MORC1: variants seen among roughly 807,000 people sequenced by gnomAD.
MORC1 encodes the protein MORC family CW-type zinc finger 1.
A neutral mutation model predicts 134.9 loss-of-function variants in MORC1; 59 were observed. The observed-to-expected ratio is 0.44, with a 90% CI of 0.35 to 0.54. MORC1 has a LOEUF of 0.54. Ranked by LOEUF, MORC1 falls within the 20% of genes least tolerant of loss-of-function variation. The pLI is 0.00. For missense variants in MORC1, 947 were observed against 1,134.5 expected, an observed-to-expected ratio of 0.83 and a Z score of 2.37; for synonymous variants, 395 against 391.7, an observed-to-expected ratio of 1.01 and a Z score of -0.10.
intron 21 of MORC1, among the ~76,000 whole-genome samples, chr3:108,990,995 T>G (rs13080714): frequency 0.27 from 41,573 of 151,820 alleles, 5,896 homozygotes; most frequent in Middle Eastern, 0.46. Flanking sequence ...ATACTTTTAT[T>G]TATTTAATAT....
intron 8 of MORC1, among the ~76,000 whole-genome samples, chr3:109,084,747 A>T (rs374500567): frequency 1.6e-4 from 24 of 152,142 alleles, no homozygotes; most frequent in East Asian, 1.5e-3. Flanking sequence ...TCCAAAATAC[A>T]CTACGAAATT....
At chr3:109,080,485 C>T (rs950664292) in intron 8 of MORC1, among the ~76,000 whole-genome samples, 8 of 152,106 alleles carry the variant, frequency 5.3e-5, no homozygotes, top group Non-Finnish European at 1.2e-4. Context: ...AATAATACAG[C>T]TTATAGAACT....
intron 17 of MORC1, among the ~76,000 whole-genome samples, chr3:109,024,681 A>G (rs1319489152): frequency 6.6e-6 from 1 of 152,208 alleles, no homozygotes; most frequent in East Asian, 1.9e-4. Context: ...GGATGGAGGA[A>G]GAGAAAACAG....
chr3:109,052,437 G>C (rs1377209453), intron 14 of MORC1, among the ~76,000 whole-genome samples: 1 of 152,128 alleles, frequency 6.6e-6, no homozygotes, highest in African/African-American at 2.4e-5. Context: ...CTGGGATTCT[G>C]CATTTCTAAC....
chr3:109,036,631 T>C (rs2107620480), intron 14 of MORC1, among the ~76,000 whole-genome samples: 1 of 152,120 alleles, frequency 6.6e-6, no homozygotes, highest in South Asian at 2.1e-4. Flanking sequence ...AAAATGCAAA[T>C]AAATGACCTA....
intron 15 of MORC1, among the ~76,000 whole-genome samples, chr3:109,034,447 C>T (rs1949323218): frequency 6.6e-6 from 1 of 152,076 alleles, no homozygotes; most frequent in Non-Finnish European, 1.5e-5. Context: ...TGTAATTATC[C>T]TCCTATGGAA....
chr3:108,986,696 A>G (rs1436095866), intron 22 of MORC1, among the ~76,000 whole-genome samples, 184 bp downstream of exon 22: 1 of 152,062 alleles, frequency 6.6e-6, no homozygotes. Flanking sequence ...GCCCCGTCAA[A>G]ACACACAAGG....
At chr3:109,106,033 C>T (rs12496001) in intron 3 of MORC1, among the ~76,000 whole-genome samples, 120,653 of 152,194 alleles carry the variant, frequency 0.79, 48,589 homozygotes, top group East Asian at 0.93. Flanking sequence ...GGAATCCAAC[C>T]CTGTTGAGTT....
intron 27 of MORC1, among the ~76,000 whole-genome samples, chr3:108,962,444 A>T (rs1017358304): frequency 1.3e-5 from 2 of 152,152 alleles, no homozygotes; most frequent in African/African-American, 4.8e-5. Context: ...TTCTTCACAC[A>T]TTATACAGAT....
chr3:109,027,957 C>A, intron 16 of MORC1, 68 bp from the exon 17 acceptor site: 1 of 1,494,826 alleles, frequency 6.7e-7, no homozygotes, highest in Non-Finnish European at 9.1e-7. Context: ...CTGTAAAAGA[C>A]GATTTACTTC....
At chr3:109,093,728 CAA>C (rs1950773399) in intron 7 of MORC1, among the ~76,000 whole-genome samples, 187 bp from the exon 8 acceptor site, 2 of 152,200 alleles carry the variant, frequency 1.3e-5, no homozygotes, top group Non-Finnish European at 2.9e-5. Flanking sequence ...CACTCCCTGC[CAA>C]AGAGTGCTGA....
chr3:108,992,436 GT>G lies in MORC1; in HGVS notation c.2188-5488del, dbSNP rs534501391. Among the ~76,000 whole-genome samples the G allele has an allele frequency of 4.5e-3, 686 of 152,136 alleles. 1 individual carries two copies. Among genetic ancestry groups the G allele is most frequent in the African/African-American group, 6.1e-3 (253 of 41,502 alleles). ...TCCTCTGAATAACTATTAACAGTAA[GT>G]TGCATACAGTTTATTTACTCTTACT... On this transcript the variant is annotated intron_variant, in intron 21 of 27. Coordinates refer to ENST00000232603, the MANE Select transcript of MORC1 (RefSeq NM_014429.4).
chr3:108,968,611 G>A (rs1173499199), intron 26 of MORC1, among the ~76,000 whole-genome samples: 5 of 152,208 alleles, frequency 3.3e-5, no homozygotes, highest in Non-Finnish European at 5.9e-5. Flanking sequence ...TAAAAACTAT[G>A]AGGCAGTGTC....
chr3:108,964,555 C>G (rs572321072), intron 26 of MORC1, among the ~76,000 whole-genome samples: 2 of 152,270 alleles, frequency 1.3e-5, no homozygotes, highest in Non-Finnish European at 2.9e-5. Flanking sequence ...GCTGACCTCA[C>G]GAGTTTCCCC....
Position 109,027,540 on chromosome 3 carries a change from G to A in MORC1, c.1704+211C>T, listed in dbSNP as rs964095192. 1.2e-4 allele frequency among the ~76,000 whole-genome samples: 18 copies of A among 150,912 alleles called. 1 individual carries two copies. Among genetic ancestry groups the A allele is most frequent in the Non-Finnish European group, 2.7e-4 (18 of 67,864 alleles). ...TTCTCACATGCATTGTCGTATAGAT[G>A]GGCTTAGATATCACATATACAGTAT... On this transcript the variant is annotated intron_variant, in intron 17 of 27. Transcript: ENST00000232603.
chr3:109,098,893 A>C (rs1052816925), intron 6 of MORC1, among the ~76,000 whole-genome samples: 1 of 152,202 alleles, frequency 6.6e-6, no homozygotes, highest in African/African-American at 2.4e-5. Context: ...AATAAAACTC[A>C]GGCACTGGTA....
chr3:109,040,437 A>G (rs1949498509), intron 14 of MORC1, among the ~76,000 whole-genome samples: 1 of 134,036 alleles, frequency 7.5e-6, no homozygotes, highest in African/African-American at 2.8e-5. Flanking sequence ...GGAAAGAAAG[A>G]AAGAAAGAAA....
intron 21 of MORC1, among the ~76,000 whole-genome samples, 163 bp downstream of exon 21, chr3:109,000,394 T>C (rs1261977937): frequency 6.6e-6 from 1 of 152,222 alleles, no homozygotes; most frequent in Non-Finnish European, 1.5e-5. Flanking sequence ...CTAGTTTATG[T>C]AGCCTTGAGC....
chr3:108,971,881 A>C (rs1947392174), intron 24 of MORC1, among the ~76,000 whole-genome samples: 1 of 152,172 alleles, frequency 6.6e-6, no homozygotes, highest in Non-Finnish European at 1.5e-5. Flanking sequence ...GAAACCAGCC[A>C]ACCTCACAAT....
Sources: allele counts gnomAD v4.1 joint callset (sites outside exome capture counted in the v4.1 genomes callset), GRCh38; gene constraint gnomAD v4.1.1; transcripts MANE v1.5; gene names NCBI Gene and HGNC (gene_info 2026-07-23, HGNC 2026-07-21).